KHDRBS2: variants seen among roughly 807,000 people sequenced by gnomAD.
KHDRBS2 encodes KH RNA binding domain containing, signal transduction associated 2.
In KHDRBS2, 26 loss-of-function variants were observed where a neutral mutation model predicts 44.3. That is an observed-to-expected ratio of 0.59 (90% CI 0.43 to 0.81). KHDRBS2 has a LOEUF of 0.81. Among genes scored for constraint, KHDRBS2 ranks in the 40% least tolerant of loss-of-function variants. KHDRBS2 has a pLI of 0.00. For missense variants in KHDRBS2, 476 were observed against 433.1 expected, an observed-to-expected ratio of 1.10 and a Z score of -0.88; for synonymous variants, 194 against 151.1, an observed-to-expected ratio of 1.28 and a Z score of -2.08.
At chr6:61,668,660 T>C in the KHDRBS2 span, among the ~76,000 whole-genome samples, 2 of 150,884 alleles carry the variant, frequency 1.3e-5, no homozygotes, top group Non-Finnish European at 3.0e-5. Context: ...TAAGGAGAGG[T>C]GTATCTTTTG....
intron 2 of KHDRBS2, among the ~76,000 whole-genome samples, chr6:62,102,032 G>C (rs1253396803): frequency 6.6e-6 from 1 of 152,066 alleles, no homozygotes; most frequent in African/African-American, 2.4e-5. Context: ...CACTAGTTAT[G>C]TCATTGTTTC....
chr6:62,263,515 ATC>A (rs1229972950), intron 1 of KHDRBS2, among the ~76,000 whole-genome samples: 1 of 151,710 alleles, frequency 6.6e-6, no homozygotes, highest in Non-Finnish European at 1.5e-5. Flanking sequence ...CAGAGTGATA[ATC>A]TGTTAATTCC....
At chr6:61,946,647 T>A (rs577672259) in intron 4 of KHDRBS2, among the ~76,000 whole-genome samples, 2 of 152,240 alleles carry the variant, frequency 1.3e-5, no homozygotes, top group East Asian at 3.9e-4. Flanking sequence ...CCATCCTGAA[T>A]CTAACAAAAT....
At chr6:62,269,513 T>A (rs4549606) in intron 1 of KHDRBS2, among the ~76,000 whole-genome samples, 1 of 152,006 alleles carries the variant, frequency 6.6e-6, no homozygotes, top group Non-Finnish European at 1.5e-5. Flanking sequence ...TTCAAGGAGA[T>A]GCAAATCAAA....
chr6:61,760,130 GTAATTCAATTATACATTGTGC>G lies in KHDRBS2; in HGVS notation c.811-27387_811-27367del, dbSNP rs1372494079. On this transcript the variant is annotated intron_variant, in intron 6 of 8. Transcript: ENST00000281156. Reference sequence around the variant, plus strand: ...ATGAATGCTGTATTATTTTTAAGGGGTAATTCAATTATACATTGTGCTAAACATCCGGAAGACATTTTAGGG... The same window carrying G: ...ATGAATGCTGTATTATTTTTAAGGGGTAAACATCCGGAAGACATTTTAGGG... Among the ~76,000 whole-genome samples the G allele has an allele frequency of 2.6e-5, 4 of 152,098 alleles. No individual in the cohort carries two copies. The East Asian group carries it at 7.7e-4, about 29-fold the overall frequency.
At chr6:62,043,669 A>G (rs1190683457) in intron 3 of KHDRBS2, among the ~76,000 whole-genome samples, 1 of 152,054 alleles carries the variant, frequency 6.6e-6, no homozygotes, top group Non-Finnish European at 1.5e-5. Context: ...TTACAGAGTT[A>G]TCGGCTAGGT....
the KHDRBS2 span, among the ~76,000 whole-genome samples, chr6:61,671,809 C>T: frequency 6.6e-6 from 1 of 151,516 alleles, no homozygotes; most frequent in Non-Finnish European, 1.5e-5. Flanking sequence ...AAGTATATTT[C>T]TAGTTTGAAA....
At chr6:62,216,600 G>A (rs750541262) in intron 1 of KHDRBS2, among the ~76,000 whole-genome samples, 1 of 151,474 alleles carries the variant, frequency 6.6e-6, no homozygotes, top group Non-Finnish European at 1.5e-5. Context: ...ATGATGCACT[G>A]AGATGGTGGT....
chr6:61,737,980 C>T (rs1056328923), intron 6 of KHDRBS2, among the ~76,000 whole-genome samples: 1 of 151,732 alleles, frequency 6.6e-6, no homozygotes, highest in Non-Finnish European at 1.5e-5. Context: ...CCTAAAAAGC[C>T]AGTCAGTATC....
At chr6:61,854,508 A>T (rs1795890038) in intron 6 of KHDRBS2, among the ~76,000 whole-genome samples, 1 of 152,174 alleles carries the variant, frequency 6.6e-6, no homozygotes, top group Non-Finnish European at 1.5e-5. Flanking sequence ...AATCATTACA[A>T]AATGTTTTAA....
intron 6 of KHDRBS2, among the ~76,000 whole-genome samples, chr6:61,892,418 A>G (rs1421083798): frequency 2.6e-5 from 4 of 152,168 alleles, no homozygotes; most frequent in African/African-American, 9.7e-5. Context: ...GTTCATATGG[A>G]ACCAAAAAAG....
intron 2 of KHDRBS2, among the ~76,000 whole-genome samples, chr6:62,153,531 C>T (rs1815688622): frequency 6.6e-6 from 1 of 152,060 alleles, no homozygotes; most frequent in Non-Finnish European, 1.5e-5. Flanking sequence ...AAGCACGATG[C>T]TTCCTCCCTT....
At chr6:62,092,511 T>A (rs1799675794) in intron 2 of KHDRBS2, among the ~76,000 whole-genome samples, 1 of 152,288 alleles carries the variant, frequency 6.6e-6, no homozygotes, top group African/African-American at 2.4e-5. Flanking sequence ...AATGTGTAAG[T>A]AATTTTATTG....
chr6:61,715,980 T>TACA (rs61288701), intron 7 of KHDRBS2, among the ~76,000 whole-genome samples: 120,210 of 151,166 alleles, frequency 0.8, 48,270 homozygotes, highest in African/African-American at 0.89. Flanking sequence ...TTAAAATGGC[T>TACA]ACATTTTTTT....
intron 7 of KHDRBS2, among the ~76,000 whole-genome samples, chr6:61,727,532 C>A (rs1323757353): frequency 2.6e-5 from 4 of 152,028 alleles, no homozygotes; most frequent in Non-Finnish European, 5.9e-5. Context: ...ATTTTGCAAC[C>A]TATCCATCTG....
chr6:61,683,540 CA>C (rs762360440), intron 8 of KHDRBS2, among the ~76,000 whole-genome samples: 1 of 151,434 alleles, frequency 6.6e-6, no homozygotes, highest in Non-Finnish European at 1.5e-5. Context: ...AGTGATAATT[CA>C]AAAAACAGAA....
intron 1 of KHDRBS2, among the ~76,000 whole-genome samples, chr6:62,256,478 G>C (rs1198853153): frequency 2.0e-5 from 3 of 151,890 alleles, no homozygotes; most frequent in Non-Finnish European, 4.4e-5. Context: ...GGTTTTATAA[G>C]GGGGAGCTTC....
At chr6:62,107,914 C>T (rs982431171) in intron 2 of KHDRBS2, among the ~76,000 whole-genome samples, 2 of 152,058 alleles carry the variant, frequency 1.3e-5, no homozygotes, top group South Asian at 2.1e-4. Flanking sequence ...AAACTGGATC[C>T]CTTCCTTACA....
intron 6 of KHDRBS2, among the ~76,000 whole-genome samples, chr6:61,821,654 G>A (rs1269121436): frequency 6.6e-6 from 1 of 151,954 alleles, no homozygotes; most frequent in Non-Finnish European, 1.5e-5. Context: ...AGTGATGAGT[G>A]TTGGAGACTC....
Sources: gnomAD v4.1 joint callset for allele counts (sites outside exome capture counted in the v4.1 genomes callset) on GRCh38, gnomAD v4.1.1 for gene constraint, MANE v1.5 for transcripts, NCBI Gene and HGNC (gene_info 2026-07-23, HGNC 2026-07-21) for gene names.